The following DTNA variants were observed in gnomAD, a reference collection of about 807,000 sequenced individuals.
The protein encoded by DTNA is dystrophin-related protein 3.
DTNA carries 43 observed loss-of-function variants against 100.7 expected under a neutral mutation model. That is an observed-to-expected ratio of 0.43 (90% CI 0.33 to 0.55). The LOEUF (loss-of-function observed/expected upper bound fraction) is 0.55. Ranked by LOEUF, DTNA falls within the 20% of genes least tolerant of loss-of-function variation. The probability of loss-of-function intolerance (pLI) is 0.04; values close to 1 mark genes in which losing one functional copy is unlikely to be tolerated. For missense variants in DTNA, 798 were observed against 953.9 expected (o/e 0.84, Z 2.15); for synonymous variants, 349 against 347.9 (o/e 1.00, Z -0.04).
At chr18:34,843,641 C>T (rs1399823305) in intron 13 of DTNA, among the ~76,000 whole-genome samples, 1 of 152,064 alleles carries the variant, frequency 6.6e-6, no homozygotes, top group East Asian at 1.9e-4. Flanking sequence ...TAGGGCCCCA[C>T]ACTATGACCT....
intron 1 of DTNA, among the ~76,000 whole-genome samples, chr18:34,634,187 AT>A (rs1406450258): frequency 6.6e-6 from 1 of 152,156 alleles, no homozygotes. Flanking sequence ...TCTCGAAAGC[AT>A]TTACTCCTTT....
In DTNA at chr18:34,516,652, G is replaced by T. The variant is rs1207576709; in HGVS notation, c.-2+23138G>T. Among the ~76,000 whole-genome samples, 3 of 152,044 alleles carry T rather than the reference G, an allele frequency of 2.0e-5. No homozygotes were observed. The East Asian group carries it at 5.8e-4, about 29-fold the overall frequency. On this transcript the variant is annotated intron_variant, in intron 1 of 19. Coordinates refer to the DTNA transcript ENST00000283365. ...CAGGGCTGTTCCTTGCTGAGAAAAAGAATTCAGCGATATTTCTCCTATTCG... is the reference window on the plus strand; with the variant it reads ...CAGGGCTGTTCCTTGCTGAGAAAAATAATTCAGCGATATTTCTCCTATTCG...
At chr18:34,506,909 C>A (rs1381071989) in intron 1 of DTNA, among the ~76,000 whole-genome samples, 1 of 152,124 alleles carries the variant, frequency 6.6e-6, no homozygotes. Flanking sequence ...GAAGCAAAAG[C>A]CCAATCTATA....
chr18:34,647,931 G>T (rs147462521), intron 1 of DTNA, among the ~76,000 whole-genome samples: 4 of 152,230 alleles, frequency 2.6e-5, no homozygotes, highest in Non-Finnish European at 5.9e-5. Flanking sequence ...ATATGAGGGG[G>T]AAAAATAGTT....
chr18:34,852,556 C>G (rs1309631810), intron 15 of DTNA, among the ~76,000 whole-genome samples: 3 of 152,204 alleles, frequency 2.0e-5, no homozygotes, highest in African/African-American at 4.8e-5. Flanking sequence ...CAGGTTTAAA[C>G]CCTCTAATGT....
chr18:34,531,786 G>A (rs2043166023), intron 1 of DTNA, among the ~76,000 whole-genome samples: 1 of 152,038 alleles, frequency 6.6e-6, no homozygotes, highest in African/African-American at 2.4e-5. Context: ...AATTTTTAAA[G>A]CATCTGAAAA....
intron 3 of DTNA, among the ~76,000 whole-genome samples, chr18:34,779,181 C>T (rs1444878648): frequency 2.0e-5 from 3 of 152,084 alleles, no homozygotes; most frequent in African/African-American, 4.8e-5. Flanking sequence ...CAGATAGGAG[C>T]AAGTAATCTA....
At chr18:34,681,454 A>C (rs2078093018) in intron 1 of DTNA, among the ~76,000 whole-genome samples, 1 of 152,150 alleles carries the variant, frequency 6.6e-6, no homozygotes, top group African/African-American at 2.4e-5. Context: ...CAGATCAAGA[A>C]GTAGATTACC....
chr18:34,692,930 T>C (rs2079984787), intron 1 of DTNA, among the ~76,000 whole-genome samples: 1 of 152,196 alleles, frequency 6.6e-6, no homozygotes. Flanking sequence ...CGAATTTCTT[T>C]AGAATGCAAA....
At chr18:34,878,526 G>A (rs2096841137) in intron 19 of DTNA, among the ~76,000 whole-genome samples, 1 of 151,946 alleles carries the variant, frequency 6.6e-6, no homozygotes, top group Non-Finnish European at 1.5e-5. Context: ...GGCTGGTCTT[G>A]AACTCCTGGG....
chr18:34,683,112 A>C (rs954618353), intron 1 of DTNA, among the ~76,000 whole-genome samples: 2 of 152,152 alleles, frequency 1.3e-5, no homozygotes, highest in African/African-American at 4.8e-5. Context: ...TTTAAATCTA[A>C]AGCTTCTGAT....
At chr18:34,833,404 CTGTG>C (rs58409064) in intron 11 of DTNA, among the ~76,000 whole-genome samples, 6,628 of 144,940 alleles carry the variant, frequency 0.046, 463 homozygotes, top group African/African-American at 0.16. Flanking sequence ...CATTGTGTCA[CTGTG>C]TGTGTGTGTG....
At position 34,890,251 on chromosome 18, in the gene DTNA, C is replaced by A. The variant is rs1223039977; in HGVS notation, c.*2517C>A. The A allele has an allele frequency of 3.3e-6, 5 of 1,514,524 alleles. No homozygotes were observed. The highest frequency in any genetic ancestry group is 2.0e-5 in the Admixed American group (1 of 48,956). 93.8% of individuals were successfully genotyped at this position (1,514,524 alleles called of 1,614,324 possible). A position where few individuals can be genotyped will look rare whatever the true frequency, so the allele number is the denominator to read the frequency against. On this transcript the variant is annotated 3_prime_UTR_variant, in exon 23 of 23. Transcript: ENST00000444659. ...GCCATTGCAAGGACTCTGGAAACTGCCGCCAATGACCAATTTCTGACTAAC... is the reference window on the plus strand; with the variant it reads ...GCCATTGCAAGGACTCTGGAAACTGACGCCAATGACCAATTTCTGACTAAC...
intron 1 of DTNA, among the ~76,000 whole-genome samples, chr18:34,645,617 A>G (rs2059743912): frequency 1.3e-5 from 2 of 152,180 alleles, no homozygotes; most frequent in Non-Finnish European, 2.9e-5. Context: ...GTGTGTATAC[A>G]CTACACTCAC....
intron 3 of DTNA, among the ~76,000 whole-genome samples, chr18:34,791,986 G>A (rs1170660901): frequency 6.6e-6 from 1 of 152,184 alleles, no homozygotes; most frequent in African/African-American, 2.4e-5. Flanking sequence ...TGCTCCTTGA[G>A]CACAGGTATC....
intron 1 of DTNA, among the ~76,000 whole-genome samples, chr18:34,520,921 C>T (rs1177657628): frequency 3.3e-5 from 5 of 152,098 alleles, no homozygotes; most frequent in African/African-American, 9.7e-5. Flanking sequence ...TATCAAACTC[C>T]TTCCTAAAGT....
intron 15 of DTNA, among the ~76,000 whole-genome samples, chr18:34,854,037 G>A (rs1213768678): frequency 2.0e-5 from 3 of 152,168 alleles, no homozygotes; most frequent in Non-Finnish European, 4.4e-5. Context: ...GAAAGTGTAT[G>A]AGCTGAGCTA....
chr18:34,721,563 C>T (rs894580561), intron 1 of DTNA, among the ~76,000 whole-genome samples: 2 of 152,130 alleles, frequency 1.3e-5, no homozygotes, highest in African/African-American at 4.8e-5. Context: ...AGAAAATAAT[C>T]TAGCTTCTAA....
chr18:34,528,184 T>C (rs1373843283), intron 1 of DTNA, among the ~76,000 whole-genome samples: 2 of 152,126 alleles, frequency 1.3e-5, no homozygotes, highest in Non-Finnish European at 2.9e-5. Context: ...TATTATGCAT[T>C]GTGCAGGACC....
Sources: allele counts gnomAD v4.1 joint callset (sites outside exome capture counted in the v4.1 genomes callset), GRCh38; gene constraint gnomAD v4.1.1; transcripts MANE v1.5; gene names NCBI Gene and HGNC (gene_info 2026-07-23, HGNC 2026-07-21).